The following GABRB1 variants were observed in gnomAD, a reference collection of about 807,000 sequenced individuals.
GABRB1 encodes gamma-aminobutyric acid receptor subunit beta-1.
Under a neutral mutation model 51.6 loss-of-function variants are expected in GABRB1, and 17 were observed. The ratio of observed to expected loss-of-function variants is 0.33; its 90% CI spans 0.23 to 0.49. GABRB1 has a LOEUF of 0.49. Among genes scored for constraint, GABRB1 ranks in the 20% least tolerant of loss-of-function variants. GABRB1 has a pLI of 0.99. For synonymous variants in GABRB1, 247 were observed against 218.9 expected (o/e 1.13, Z -1.14); for missense variants, 410 against 600.6 (o/e 0.68, Z 3.32).
At chr4:47,119,832 C>T (rs1715687080) in intron 3 of GABRB1, among the ~76,000 whole-genome samples, 2 of 151,304 alleles carry the variant, frequency 1.3e-5, no homozygotes, top group African/African-American at 4.9e-5. Flanking sequence ...TATAAACACA[C>T]AGTATTACAA....
At chr4:47,049,020 C>T (rs1196225457) in intron 3 of GABRB1, among the ~76,000 whole-genome samples, 3 of 150,078 alleles carry the variant, frequency 2.0e-5, no homozygotes, top group East Asian at 2.0e-4. Flanking sequence ...GGGTTACTGT[C>T]ATAGACAGAG....
intron 3 of GABRB1, among the ~76,000 whole-genome samples, chr4:47,052,762 G>T (rs1048787184): frequency 9.2e-5 from 14 of 152,134 alleles, no homozygotes; most frequent in African/African-American, 3.4e-4. Context: ...GTAGCATTAT[G>T]CATCTTCCTG....
At chr4:47,349,909 C>T (rs1207349279) in intron 5 of GABRB1, among the ~76,000 whole-genome samples, 1 of 152,042 alleles carries the variant, frequency 6.6e-6, no homozygotes, top group Non-Finnish European at 1.5e-5. Flanking sequence ...TCAGAATATA[C>T]ACACACTTTA....
intron 8 of GABRB1, among the ~76,000 whole-genome samples, chr4:47,413,109 G>T (rs1728812037): frequency 6.6e-6 from 1 of 152,174 alleles, no homozygotes; most frequent in African/African-American, 2.4e-5. Flanking sequence ...CTTCCAACTT[G>T]CTTATCTATG....
chr4:47,155,201 G>A (rs927373937), intron 3 of GABRB1, among the ~76,000 whole-genome samples: 40 of 152,140 alleles, frequency 2.6e-4, no homozygotes, highest in African/African-American at 9.1e-4. Context: ...GAAGAACTGC[G>A]GAAATCATAG....
At chr4:47,398,549 C>CATATAT (rs34617428) in intron 5 of GABRB1, among the ~76,000 whole-genome samples, 5 of 151,350 alleles carry the variant, frequency 3.3e-5, no homozygotes, top group Admixed American at 6.6e-5. Flanking sequence ...AATATCTTCT[C>CATATAT]ATATATATAG....
At chr4:47,398,557 T>G (rs561419084) in intron 5 of GABRB1, among the ~76,000 whole-genome samples, 69 of 151,638 alleles carry the variant, frequency 4.6e-4, no homozygotes, top group Middle Eastern at 3.4e-3. Context: ...CTCATATATA[T>G]AGAGAGAGAG....
chr4:47,031,528 T>C, upstream of GABRB1: 1 of 744,130 alleles, frequency 1.3e-6, no homozygotes, highest in Non-Finnish European at 2.4e-6. Context: ...GCACAAGGTG[T>C]CTTTTGGTAG....
At chr4:47,121,756 T>C (rs1715786270) in intron 3 of GABRB1, among the ~76,000 whole-genome samples, 1 of 152,210 alleles carries the variant, frequency 6.6e-6, no homozygotes, top group Non-Finnish European at 1.5e-5. Flanking sequence ...AGTTAAATTA[T>C]TTTATGCAAA....
At chr4:47,015,900 GA>G (rs1043101599) in intron 1 of GABRB1, among the ~76,000 whole-genome samples, 3 of 152,166 alleles carry the variant, frequency 2.0e-5, no homozygotes, top group Admixed American at 1.3e-4. Flanking sequence ...TAATCTAGTA[GA>G]AAAAAATATA....
chr4:47,352,191 G>C (rs554658941), intron 5 of GABRB1, among the ~76,000 whole-genome samples: 17 of 152,158 alleles, frequency 1.1e-4, no homozygotes, highest in African/African-American at 3.9e-4. Context: ...TGTGTCTGTT[G>C]GCTGCATAAA....
chr4:47,173,010 T>C (rs1310594105), intron 4 of GABRB1, among the ~76,000 whole-genome samples: 2 of 152,138 alleles, frequency 1.3e-5, no homozygotes, highest in African/African-American at 4.8e-5. Flanking sequence ...GAACTGGAGC[T>C]GAGAGAGCTG....
chr4:47,320,019 G>A, intron 4 of GABRB1, 108 bp from the exon 5 acceptor site: 1 of 760,506 alleles, frequency 1.3e-6, no homozygotes. Flanking sequence ...ACAAAATTTT[G>A]ATGCCTTGTT....
At chr4:47,338,919 A>G (rs1228345011) in intron 5 of GABRB1, among the ~76,000 whole-genome samples, 2 of 152,178 alleles carry the variant, frequency 1.3e-5, no homozygotes, top group East Asian at 3.9e-4. Context: ...ACATTTTCCA[A>G]AAATATCCAT....
chr4:47,018,772 G>C (rs1384376590), intron 1 of GABRB1, among the ~76,000 whole-genome samples: 1 of 152,142 alleles, frequency 6.6e-6, no homozygotes, highest in African/African-American at 2.4e-5. Context: ...TCATCCTAAA[G>C]ATCTTCATCT....
In GABRB1 at chr4:47,169,865, G is replaced by A. The variant is rs531553016; in HGVS notation, c.461+8396G>A. 8.5e-5 allele frequency among the ~76,000 whole-genome samples: 13 copies of A among 152,162 alleles called. No individual in the cohort carries two copies. In the South Asian group the frequency reaches 1.0e-3, roughly 12 times the overall value. On this transcript the variant is annotated intron_variant, in intron 4 of 8. Transcript: ENST00000295454. ...TCTACACTCTCAGCCCTGGCATAAG[G>A]CATCTTACTGTCCCTGCACATCATT...
intron 5 of GABRB1, among the ~76,000 whole-genome samples, chr4:47,327,373 A>G (rs972156693): frequency 1.3e-5 from 2 of 152,092 alleles, no homozygotes; most frequent in African/African-American, 2.4e-5. Flanking sequence ...AAAAAAAGAA[A>G]AAAAAAACTA....
chr4:47,012,723 A>T (rs993818115), intron 1 of GABRB1, among the ~76,000 whole-genome samples: 1 of 152,196 alleles, frequency 6.6e-6, no homozygotes, highest in Non-Finnish European at 1.5e-5. Context: ...CTCTCATTAC[A>T]TGGCTCCACT....
At chr4:47,105,404 A>G (rs985041713) in intron 3 of GABRB1, among the ~76,000 whole-genome samples, 14 of 150,966 alleles carry the variant, frequency 9.3e-5, no homozygotes, top group African/African-American at 3.4e-4. Flanking sequence ...TGGTGTAGGA[A>G]CAAGGTGGTC....
Sources: gnomAD v4.1 joint callset for allele counts (sites outside exome capture counted in the v4.1 genomes callset) on GRCh38, gnomAD v4.1.1 for gene constraint, MANE v1.5 for transcripts, NCBI Gene and HGNC (gene_info 2026-07-23, HGNC 2026-07-21) for gene names.